MOB1B: variants seen among roughly 807,000 people sequenced by gnomAD.
MOB1B encodes the protein MOB kinase activator 1B.
A neutral mutation model predicts 24.4 loss-of-function variants in MOB1B; 19 were observed. The observed-to-expected ratio is 0.78, with a 90% CI of 0.54 to 1.14. MOB1B has a LOEUF of 1.14. MOB1B is among the 50% of genes most tolerant of loss of function. The probability of loss-of-function intolerance (pLI) is 0.00; values close to 1 mark genes in which losing one functional copy is unlikely to be tolerated. For missense variants in MOB1B, 243 were observed against 259.6 expected (o/e 0.94, Z 0.44); for synonymous variants, 76 against 82.1 (o/e 0.93, Z 0.40).
At chr4:70,908,197 T>G (rs1000366753) in intron 1 of MOB1B, among the ~76,000 whole-genome samples, 1 of 151,570 alleles carries the variant, frequency 6.6e-6, no homozygotes, top group Non-Finnish European at 1.5e-5. Context: ...GGCTACTTTT[T>G]TTTTGTATTT....
chr4:70,926,498 C>T (rs1414384572), intron 1 of MOB1B, among the ~76,000 whole-genome samples: 1 of 152,064 alleles, frequency 6.6e-6, no homozygotes, highest in African/African-American at 2.4e-5. Flanking sequence ...TTTCATAAAC[C>T]AGAGTCCTGT....
chr4:70,902,558 G>C lies in MOB1B; in HGVS notation c.14+8G>C. 1 of 1,557,146 alleles carries C rather than the reference G, an allele frequency of 6.4e-7. No homozygotes were observed. The highest frequency in any genetic ancestry group is 8.7e-7 in the Non-Finnish European group (1 of 1,153,024). On this transcript the variant is annotated splice_region_variant and intron_variant, in intron 1 of 5. Coordinates refer to ENST00000309395, the MANE Select transcript of MOB1B (RefSeq NM_173468.4). Reference sequence around the variant, plus strand: ...CAACATGAGCTTCTTGTTGTGAGTAGCCAGGCCCCGCACGCGCCGGCTTTG... The same window carrying C: ...CAACATGAGCTTCTTGTTGTGAGTACCCAGGCCCCGCACGCGCCGGCTTTG...
At chr4:70,937,267 T>G (rs1737123746) in intron 1 of MOB1B, among the ~76,000 whole-genome samples, 2 of 151,938 alleles carry the variant, frequency 1.3e-5, no homozygotes, top group East Asian at 3.8e-4. Context: ...TATATGGGAC[T>G]TCTTTTTTTT....
At chr4:70,960,939 T>G (rs1738278225) in intron 2 of MOB1B, among the ~76,000 whole-genome samples, 1 of 152,232 alleles carries the variant, frequency 6.6e-6, no homozygotes. Flanking sequence ...GTCTGTATTC[T>G]GTCTCTTTCT....
At chr4:70,936,013 G>A (rs568379972) in intron 1 of MOB1B, among the ~76,000 whole-genome samples, 33 of 151,850 alleles carry the variant, frequency 2.2e-4, no homozygotes, top group African/African-American at 7.0e-4. Context: ...CACTACGCCC[G>A]GCTAATTTTT....
chr4:70,980,116 T>C (rs1372250213), intron 5 of MOB1B, among the ~76,000 whole-genome samples: 1 of 152,140 alleles, frequency 6.6e-6, no homozygotes, highest in African/African-American at 2.4e-5. Flanking sequence ...CTTTGCCACT[T>C]CCCCTGTTCT....
chr4:70,927,778 C>T (rs1165156409), intron 1 of MOB1B, among the ~76,000 whole-genome samples: 1 of 152,046 alleles, frequency 6.6e-6, no homozygotes, highest in Non-Finnish European at 1.5e-5. Context: ...GGTGCACTCG[C>T]TTCCTGTAGT....
intron 1 of MOB1B, among the ~76,000 whole-genome samples, chr4:70,944,954 C>G (rs1462183179): frequency 2.6e-5 from 4 of 152,166 alleles, no homozygotes; most frequent in African/African-American, 9.7e-5. Context: ...AATATCCAAA[C>G]TGTCTCACCC....
At chr4:70,939,228 G>C (rs191040720) in intron 1 of MOB1B, among the ~76,000 whole-genome samples, 93 of 152,282 alleles carry the variant, frequency 6.1e-4, no homozygotes, top group African/African-American at 1.9e-3. Context: ...AAGATGTTGG[G>C]CTGAAAACAT....
intron 1 of MOB1B, 133 bp downstream of exon 1, chr4:70,902,683 A>G: frequency 1.2e-6 from 1 of 813,288 alleles, no homozygotes; most frequent in Non-Finnish European, 1.7e-6. Context: ...CGTCACCACC[A>G]AGCGGGGCCC....
chr4:70,948,425 C>T (rs1293218203), intron 1 of MOB1B, among the ~76,000 whole-genome samples: 2 of 152,150 alleles, frequency 1.3e-5, no homozygotes, highest in Non-Finnish European at 2.9e-5. Flanking sequence ...ACTTTTTAAT[C>T]TTACCAGAAT....
intron 3 of MOB1B, among the ~76,000 whole-genome samples, chr4:70,974,791 T>C (rs1046549071): frequency 1.3e-5 from 2 of 152,220 alleles, no homozygotes; most frequent in African/African-American, 4.8e-5. Flanking sequence ...GAAGTGGTTT[T>C]TAAGGAAGAA....
intron 1 of MOB1B, among the ~76,000 whole-genome samples, chr4:70,956,135 G>A (rs1349125698): frequency 2.0e-5 from 3 of 152,060 alleles, no homozygotes; most frequent in Non-Finnish European, 1.5e-5. Flanking sequence ...TCTAGTGTGG[G>A]CCTAGAGCTT....
At chr4:70,915,761 C>G (rs560797737) in intron 1 of MOB1B, among the ~76,000 whole-genome samples, 38 of 150,244 alleles carry the variant, frequency 2.5e-4, no homozygotes, top group Admixed American at 4.7e-4. Flanking sequence ...TAGCTTGTTT[C>G]ATGCTGGCTT....
intron 1 of MOB1B, among the ~76,000 whole-genome samples, chr4:70,928,258 A>G (rs1042594682): frequency 4.7e-5 from 7 of 148,302 alleles, no homozygotes; most frequent in African/African-American, 1.7e-4. Flanking sequence ...CTTAGTAACA[A>G]TTTTTTTTCC....
intron 1 of MOB1B, among the ~76,000 whole-genome samples, chr4:70,947,297 TCTCA>T (rs1737626170): frequency 6.6e-6 from 1 of 152,188 alleles, no homozygotes; most frequent in African/African-American, 2.4e-5. Context: ...AGAATCAGGG[TCTCA>T]CTCTGTCACT....
chr4:70,975,633 A>G, intron 4 of MOB1B: 2 of 951,794 alleles, frequency 2.1e-6, no homozygotes, highest in Non-Finnish European at 2.5e-6. Context: ...ATTTTCAGAC[A>G]ATGATAGCAT....
chr4:70,922,473 A>G (rs1237693094), intron 1 of MOB1B, among the ~76,000 whole-genome samples: 3 of 152,178 alleles, frequency 2.0e-5, no homozygotes, highest in Admixed American at 1.3e-4. Flanking sequence ...GGGGGCTTTC[A>G]GATCATAGGT....
Position 70,982,465 on chromosome 4 carries a change from C to G in MOB1B, c.*408C>G, listed in dbSNP as rs567154600. On this transcript the variant is annotated 3_prime_UTR_variant, in exon 6 of 6. Coordinates refer to ENST00000309395, the MANE Select transcript of MOB1B (RefSeq NM_173468.4). ...CCTTGGCAGGCTCACTTCTGAGGTG[C>G]AAAACATAGATATAGAACTGAACAG... 2 of 158,090 alleles carry G rather than the reference C, an allele frequency of 1.3e-5. No individual in the cohort carries two copies. Among genetic ancestry groups the G allele is most frequent in the South Asian group, 1.9e-4 (1 of 5,206 alleles). 9.8% of individuals were successfully genotyped at this position (158,090 alleles called of 1,614,324 possible).
Sources: allele counts gnomAD v4.1 joint callset (sites outside exome capture counted in the v4.1 genomes callset), GRCh38; gene constraint gnomAD v4.1.1; transcripts MANE v1.5; gene names NCBI Gene and HGNC (gene_info 2026-07-23, HGNC 2026-07-21).